The following PLD5 variants were observed in gnomAD, a reference collection of about 807,000 sequenced individuals.
PLD5 encodes the protein inactive phospholipase D5.
Under a neutral mutation model 61.1 loss-of-function variants are expected in PLD5, and 36 were observed. The observed-to-expected ratio is 0.59, with a 90% CI of 0.45 to 0.78. The LOEUF (loss-of-function observed/expected upper bound fraction) is 0.78, where lower values mean the gene tolerates loss of function less well. PLD5 is among the 30% of genes least tolerant of loss of function. The pLI, the probability that PLD5 is intolerant of heterozygous loss-of-function variation, is 0.00. For synonymous variants in PLD5, 243 were observed against 242.8 expected, an observed-to-expected ratio of 1.00 and a Z score of -0.01; for missense variants, 515 against 644.4, an observed-to-expected ratio of 0.80 and a Z score of 2.17.
chr1:242,349,713 G>A (rs1220488003), intron 1 of PLD5, among the ~76,000 whole-genome samples: 1 of 152,168 alleles, frequency 6.6e-6, no homozygotes, highest in Non-Finnish European at 1.5e-5. Flanking sequence ...TGATAACTGG[G>A]AAGGAGCTGT....
intron 1 of PLD5, among the ~76,000 whole-genome samples, chr1:242,379,980 C>T (rs1662188984): frequency 6.6e-6 from 1 of 152,134 alleles, no homozygotes. Flanking sequence ...ATACAACATA[C>T]TTCATTTATT....
chr1:242,230,610 A>G (rs1435045497), intron 4 of PLD5, among the ~76,000 whole-genome samples: 2 of 152,244 alleles, frequency 1.3e-5, no homozygotes, highest in African/African-American at 4.8e-5. Flanking sequence ...TAACGGGGAA[A>G]CATGAAAGGG....
intron 1 of PLD5, among the ~76,000 whole-genome samples, chr1:242,429,543 G>A (rs563361524): frequency 1.2e-4 from 18 of 152,238 alleles, no homozygotes; most frequent in African/African-American, 3.9e-4. Context: ...CACAACACCC[G>A]GGCTTGGAAA....
intron 5 of PLD5, among the ~76,000 whole-genome samples, chr1:242,180,477 G>A (rs1159419453): frequency 6.6e-6 from 1 of 151,942 alleles, no homozygotes; most frequent in Non-Finnish European, 1.5e-5. Context: ...ATAGTGCCAA[G>A]CTATATTAGT....
At chr1:242,398,579 A>G (rs1663737859) in intron 1 of PLD5, among the ~76,000 whole-genome samples, 1 of 152,212 alleles carries the variant, frequency 6.6e-6, no homozygotes, top group South Asian at 2.1e-4. Flanking sequence ...TTGTAATCAT[A>G]GATACCACGG....
intron 2 of PLD5, among the ~76,000 whole-genome samples, chr1:242,341,925 C>T (rs149566689): frequency 1.9e-3 from 292 of 149,810 alleles, no homozygotes; most frequent in African/African-American, 6.9e-3. Context: ...CCGGTAGCCA[C>T]CCAGGCACGG....
At chr1:242,316,426 G>A (rs1173794118) in intron 2 of PLD5, among the ~76,000 whole-genome samples, 1 of 152,218 alleles carries the variant, frequency 6.6e-6, no homozygotes, top group South Asian at 2.1e-4. Flanking sequence ...TTCGGTTGAG[G>A]CTGGAAGAAC....
chr1:242,396,673 CTTT>C lies in PLD5; in HGVS notation c.190-48434_190-48432del, dbSNP rs1202041198. On this transcript the variant is annotated intron_variant, in intron 1 of 9. Transcript: ENST00000536534. Reference sequence around the variant, plus strand: ...CTATTTTCTTTCTTTCTTTTCTTTTCTTTTTTTTTTTTTTTTTTGAGACGGAGT... The same window carrying C: ...CTATTTTCTTTCTTTCTTTTCTTTTCTTTTTTTTTTTTTTTGAGACGGAGT... 2.9e-4 allele frequency among the ~76,000 whole-genome samples: 37 copies of C among 129,544 alleles called. 1 individual carries two copies. The highest frequency in any genetic ancestry group is 5.6e-4 in the African/African-American group (20 of 35,498). The allele number at this position is 129,544 out of a possible 152,430, so 85.0% of individuals were successfully genotyped here. A position where few individuals can be genotyped will look rare whatever the true frequency, so the allele number is the denominator to read the frequency against.
rs567935170 is a variant in PLD5, at chr1:242,104,877, CTG to C, written c.1239+2792_1239+2793del. The stretch of plus-strand genomic sequence containing the variant: ...GGCATTTAATTCAGTGCCTGGATAA[CTG>C]TATATACTCATGAATATTCATGAAT... On this transcript the variant is annotated intron_variant, in intron 8 of 9. Transcript: ENST00000536534. Among the ~76,000 whole-genome samples the C allele has an allele frequency of 3.2e-4, 48 of 152,296 alleles. No individual in the cohort carries two copies. The South Asian group carries it at 3.7e-3, about 12-fold the overall frequency.
chr1:242,510,884 C>A (rs886863990), intron 1 of PLD5, among the ~76,000 whole-genome samples: 3 of 152,018 alleles, frequency 2.0e-5, no homozygotes, highest in Middle Eastern at 6.8e-3. Flanking sequence ...TTCATCTTTA[C>A]AAAAACATCT....
intron 4 of PLD5, among the ~76,000 whole-genome samples, chr1:242,226,497 G>C (rs916394250): frequency 4.6e-5 from 7 of 152,182 alleles, no homozygotes; most frequent in African/African-American, 1.7e-4. Context: ...CCTTTCTATT[G>C]TTGCTTTATA....
rs115898978 is a variant in PLD5, at chr1:242,437,694, A to C, written c.189+86394T>G. The stretch of plus-strand genomic sequence containing the variant: ...ACAGCAAGTTTACGTCTCAAAAAAA[A>C]AAAATTTAGTTTACAAACAGCTAAT... On this transcript the variant is annotated intron_variant, in intron 1 of 9. Transcript: ENST00000536534. Among the ~76,000 whole-genome samples the C allele has an allele frequency of 6.5e-3, 997 of 152,332 alleles. 10 individuals are homozygous for C. Among genetic ancestry groups the C allele is most frequent in the African/African-American group, 0.023 (947 of 41,584 alleles).
chr1:242,206,191 C>T (rs1178732584), intron 5 of PLD5, among the ~76,000 whole-genome samples: 1 of 152,232 alleles, frequency 6.6e-6, no homozygotes, highest in Non-Finnish European at 1.5e-5. Flanking sequence ...AACCTCAGAA[C>T]TACCCCTTCT....
intron 1 of PLD5, among the ~76,000 whole-genome samples, chr1:242,438,213 G>A (rs78683553): frequency 0.017 from 2,581 of 151,952 alleles, 55 homozygotes; most frequent in African/African-American, 0.056. Flanking sequence ...GTAATCTGTA[G>A]TCAGGGATGG....
chr1:242,196,582 A>C (rs1410627204), intron 5 of PLD5, among the ~76,000 whole-genome samples: 2 of 152,254 alleles, frequency 1.3e-5, no homozygotes, highest in Non-Finnish European at 1.5e-5. Flanking sequence ...ACACATGTAC[A>C]TATACATGTA....
At chr1:242,488,487 G>C (rs1258730962) in intron 1 of PLD5, among the ~76,000 whole-genome samples, 2 of 152,078 alleles carry the variant, frequency 1.3e-5, no homozygotes, top group African/African-American at 4.8e-5. Flanking sequence ...ATCTGAAAAG[G>C]GTAGCCTTTT....
intron 1 of PLD5, among the ~76,000 whole-genome samples, chr1:242,384,014 C>A (rs1167837362): frequency 6.6e-6 from 1 of 152,192 alleles, no homozygotes; most frequent in African/African-American, 2.4e-5. Context: ...TAGAGGAATC[C>A]GCTGCAAAAT....
At chr1:242,225,249 T>C (rs1432088716) in intron 4 of PLD5, among the ~76,000 whole-genome samples, 1 of 151,784 alleles carries the variant, frequency 6.6e-6, no homozygotes, top group Non-Finnish European at 1.5e-5. Context: ...TTTGTTTCCC[T>C]TTGCTGCTCA....
intron 2 of PLD5, among the ~76,000 whole-genome samples, chr1:242,347,032 A>G (rs1393299489): frequency 6.6e-6 from 1 of 152,200 alleles, no homozygotes; most frequent in African/African-American, 2.4e-5. Flanking sequence ...CCTTTCTAAC[A>G]TGAAGGAAGA....
Sources: gnomAD v4.1 joint callset for allele counts (sites outside exome capture counted in the v4.1 genomes callset) on GRCh38, gnomAD v4.1.1 for gene constraint, MANE v1.5 for transcripts, NCBI Gene and HGNC (gene_info 2026-07-23, HGNC 2026-07-21) for gene names.